The following NTNG1 variants were observed in gnomAD, a reference collection of about 807,000 sequenced individuals.
NTNG1 encodes netrin-G1.
In NTNG1, 16 loss-of-function variants were observed where a neutral mutation model predicts 54.0. The observed-to-expected ratio is 0.30, with a 90% confidence interval of 0.20 to 0.45. The LOEUF is 0.45. Among genes scored for constraint, NTNG1 ranks in the 20% least tolerant of loss-of-function variants. The pLI is 1.00. For missense variants in NTNG1, 530 were observed against 678.7 expected (o/e 0.78, Z 2.43); for synonymous variants, 255 against 263.1 (o/e 0.97, Z 0.30).
At chr1:107,167,405 G>A (rs569052869) in intron 2 of NTNG1, among the ~76,000 whole-genome samples, 7 of 151,696 alleles carry the variant, frequency 4.6e-5, no homozygotes, top group East Asian at 1.9e-4. Context: ...TTAAAATTTC[G>A]AAAGTGCCTA....
chr1:107,167,982 A>G (rs577213003), intron 2 of NTNG1, among the ~76,000 whole-genome samples: 53 of 152,178 alleles, frequency 3.5e-4, no homozygotes, highest in African/African-American at 1.2e-3. Context: ...GCACTACAGG[A>G]TGGAAGGCAT....
chr1:107,309,092 C>A (rs1449840765), intron 2 of NTNG1, among the ~76,000 whole-genome samples: 1 of 152,178 alleles, frequency 6.6e-6, no homozygotes, highest in Non-Finnish European at 1.5e-5. Flanking sequence ...GTTCTCACAA[C>A]TAGATAATTA....
rs546631567 is a variant in NTNG1 at position 107,427,684 on chromosome 1, A to G, written c.1088-3066A>G. 5.9e-5 allele frequency among the ~76,000 whole-genome samples: 9 copies of G among 152,194 alleles called. No individual in the cohort carries two copies. In the East Asian group the frequency reaches 1.7e-3, roughly 29 times the overall value. On this transcript the variant is annotated intron_variant, in intron 5 of 7. Transcript: ENST00000370068. ...TCTCAGAAGAGTACTAGAAGTCTTAAAAGAATCAAGTTATTATTACCCATT... is the reference window on the plus strand; with the variant it reads ...TCTCAGAAGAGTACTAGAAGTCTTAGAAGAATCAAGTTATTATTACCCATT...
At chr1:107,402,596 A>T (rs1193308412) in intron 4 of NTNG1, among the ~76,000 whole-genome samples, 2 of 152,030 alleles carry the variant, frequency 1.3e-5, no homozygotes, top group Non-Finnish European at 2.9e-5. Flanking sequence ...TTATATGATG[A>T]TTTCACAGCA....
intron 2 of NTNG1, among the ~76,000 whole-genome samples, chr1:107,192,719 A>C (rs1335391134): frequency 6.6e-6 from 1 of 152,090 alleles, no homozygotes; most frequent in South Asian, 2.1e-4. Context: ...CTGGGTAACT[A>C]AAATGGTCTT....
intron 2 of NTNG1, among the ~76,000 whole-genome samples, chr1:107,212,254 G>A (rs1233205683): frequency 1.3e-5 from 2 of 152,082 alleles, no homozygotes; most frequent in Non-Finnish European, 2.9e-5. Flanking sequence ...AAATGAAAAT[G>A]TAATAGTAAT....
chr1:107,173,727 C>CTTT (rs34761958), intron 2 of NTNG1, among the ~76,000 whole-genome samples: 2 of 118,602 alleles, frequency 1.7e-5, no homozygotes, highest in African/African-American at 6.7e-5. Context: ...TTCTTTCTTT[C>CTTT]TTTTTTTTTT....
intron 1 of NTNG1, chr1:107,141,541 GCCGCCCCCCGCCCCAC>G (rs1440910318): frequency 6.8e-6 from 1 of 147,970 alleles, no homozygotes; most frequent in Non-Finnish European, 1.5e-5. Context: ...CCCACCCCCC[GCCGCCCCCCGCCCCAC>G]CCGCTGCGAT....
At chr1:107,163,875 G>T (rs961002992) in intron 2 of NTNG1, among the ~76,000 whole-genome samples, 7 of 152,084 alleles carry the variant, frequency 4.6e-5, no homozygotes, top group Admixed American at 4.6e-4. Context: ...TCTCATAAAG[G>T]CATAGCAAGT....
At chr1:107,231,274 C>G (rs191148385) in intron 2 of NTNG1, among the ~76,000 whole-genome samples, 334 of 152,232 alleles carry the variant, frequency 2.2e-3, no homozygotes, top group Non-Finnish European at 4.1e-3. Context: ...AGGTGCCCAC[C>G]ACTGCACCCA....
intron 3 of NTNG1, among the ~76,000 whole-genome samples, chr1:107,357,891 A>AAGTTGC (rs1670031542): frequency 6.6e-6 from 1 of 152,190 alleles, no homozygotes; most frequent in African/African-American, 2.4e-5. Context: ...TAGAATATTA[A>AAGTTGC]AGTTGCACTT....
chr1:107,320,859 C>T (rs949629818), intron 2 of NTNG1, among the ~76,000 whole-genome samples: 10 of 152,008 alleles, frequency 6.6e-5, no homozygotes, highest in African/African-American at 2.2e-4. Context: ...TTTTTCCCCT[C>T]TTTGGTATCT....
chr1:107,387,932 G>T (rs1473449643), intron 3 of NTNG1, among the ~76,000 whole-genome samples: 1 of 152,068 alleles, frequency 6.6e-6, no homozygotes, highest in Non-Finnish European at 1.5e-5. Flanking sequence ...CAGTGCAAAG[G>T]CATCATCATC....
chr1:107,142,346 G>A (rs1049597182), intron 1 of NTNG1, among the ~76,000 whole-genome samples: 1 of 151,354 alleles, frequency 6.6e-6, no homozygotes, highest in Non-Finnish European at 1.5e-5. Context: ...TTAAGAGTAG[G>A]CTGTCATCTT....
chr1:107,273,298 C>T (rs764457396), intron 2 of NTNG1, among the ~76,000 whole-genome samples: 6 of 152,066 alleles, frequency 3.9e-5, no homozygotes, highest in Non-Finnish European at 8.8e-5. Flanking sequence ...TGGAATCAGA[C>T]GTTAGGTTGT....
chr1:107,440,621 A>G (rs1490855253), intron 7 of NTNG1, among the ~76,000 whole-genome samples: 1 of 152,186 alleles, frequency 6.6e-6, no homozygotes, highest in East Asian at 1.9e-4. Flanking sequence ...ATCCATGTTC[A>G]AAAGCTTTCG....
intron 3 of NTNG1, among the ~76,000 whole-genome samples, chr1:107,360,857 C>T (rs866241883): frequency 1.3e-5 from 2 of 152,014 alleles, no homozygotes; most frequent in Admixed American, 1.3e-4. Context: ...GAGTATCTCT[C>T]GTCCATGCCT....
At chr1:107,275,124 C>T (rs1664381271) in intron 2 of NTNG1, among the ~76,000 whole-genome samples, 1 of 152,142 alleles carries the variant, frequency 6.6e-6, no homozygotes, top group Non-Finnish European at 1.5e-5. Flanking sequence ...CACCAGTAAT[C>T]CCAGCACTTT....
At chr1:107,412,832 A>G (rs1461926131) in intron 5 of NTNG1, among the ~76,000 whole-genome samples, 1 of 152,192 alleles carries the variant, frequency 6.6e-6, no homozygotes, top group Non-Finnish European at 1.5e-5. Context: ...AGAACATGGA[A>G]CAGTTTGTGA....
Sources: allele counts gnomAD v4.1 joint callset (sites outside exome capture counted in the v4.1 genomes callset), GRCh38; gene constraint gnomAD v4.1.1; transcripts MANE v1.5; gene names NCBI Gene and HGNC (gene_info 2026-07-23, HGNC 2026-07-21).